Variants in TBX5 observed in about 807,000 individuals in gnomAD.
TBX5 encodes T-box transcription factor 5, also known as T-box transcription factor TBX5.
TBX5 carries 8 observed loss-of-function variants against 51.1 expected under a neutral mutation model. The observed-to-expected ratio is 0.16, with a 90% confidence interval of 0.09 to 0.28. TBX5 has a LOEUF of 0.28. Ranked by LOEUF, TBX5 falls within the 10% of genes least tolerant of loss-of-function variation. TBX5 has a pLI of 1.00. For synonymous variants in TBX5, 302 were observed against 266.4 expected (o/e 1.13, Z -1.30); for missense variants, 589 against 671.7 (o/e 0.88, Z 1.36).
intron 3 of TBX5, among the ~76,000 whole-genome samples, chr12:114,400,334 C>T (rs1266925679): frequency 6.6e-6 from 1 of 152,256 alleles, no homozygotes; most frequent in East Asian, 1.9e-4. Context: ...ATTCCAGACC[C>T]TTCCAGATCT....
At position 114,389,529 on chromosome 12, in the gene TBX5, C is replaced by A. The variant is rs554018674; in HGVS notation, c.664-3962G>T. Among the ~76,000 whole-genome samples, 323 of 150,050 alleles carry A rather than the reference C, an allele frequency of 2.2e-3. 3 individuals are homozygous for A. Among genetic ancestry groups the A allele is most frequent in the Middle Eastern group, 0.014 (4 of 290 alleles). ...CAGCACTTTGGGAGGCAGAGGCGGG[C>A]GGATCACGAGGTCAGGAGATCGAGA... On this transcript the variant is annotated intron_variant, in intron 6 of 8. Coordinates refer to ENST00000405440, the MANE Select transcript of TBX5 (RefSeq NM_181486.4).
At chr12:114,362,353 C>T (rs1869288641) in intron 8 of TBX5, among the ~76,000 whole-genome samples, 1 of 152,206 alleles carries the variant, frequency 6.6e-6, no homozygotes, top group Admixed American at 6.5e-5. Context: ...CTTATACAGG[C>T]TGGCATCTCA....
intron 8 of TBX5, among the ~76,000 whole-genome samples, chr12:114,360,547 G>T (rs1869179024): frequency 6.6e-6 from 1 of 151,358 alleles, no homozygotes; most frequent in South Asian, 2.1e-4. Context: ...TGGGTAGGTG[G>T]ATGGATGGGT....
At chr12:114,389,942 A>G (rs1177854759) in intron 6 of TBX5, among the ~76,000 whole-genome samples, 1 of 151,968 alleles carries the variant, frequency 6.6e-6, no homozygotes, top group Non-Finnish European at 1.5e-5. Flanking sequence ...ATGCTCCACC[A>G]AGAACTCAGA....
At chr12:114,372,445 T>C (rs1306871519) in intron 7 of TBX5, among the ~76,000 whole-genome samples, 1 of 151,690 alleles carries the variant, frequency 6.6e-6, no homozygotes, top group Admixed American at 6.6e-5. Flanking sequence ...GCTGGAACTG[T>C]AGGCATGTGC....
intron 3 of TBX5, 70 bp downstream of exon 3, chr12:114,401,756 G>T (rs747156422): frequency 1.5e-5 from 21 of 1,442,348 alleles, no homozygotes; most frequent in Non-Finnish European, 8.8e-6. Context: ...TCTCTTCCAA[G>T]CCACCTTTTC....
rs1384536755 is a variant in TBX5, at chr12:114,403,116, T to A, written c.147+636A>T. On this transcript the variant is annotated intron_variant, in intron 2 of 8. Coordinates refer to ENST00000405440, the MANE Select transcript of TBX5 (RefSeq NM_181486.4). ...GCAAGGTGAGGCTCCTCCCTCTGCC[T>A]GGGCCCAGGTTGTAGCCTGGCGAAC... 3.9e-5 allele frequency among the ~76,000 whole-genome samples: 6 copies of A among 152,380 alleles called. No homozygotes were observed. In the East Asian group the frequency reaches 1.2e-3, roughly 29 times the overall value.
chr12:114,373,414 C>T (rs1870025486), intron 7 of TBX5, among the ~76,000 whole-genome samples: 1 of 152,182 alleles, frequency 6.6e-6, no homozygotes. Flanking sequence ...TCAAGCTAAA[C>T]TTTGTAAAAC....
At position 114,403,880 on chromosome 12, in the gene TBX5, C is replaced by G. The variant is rs962421632; in HGVS notation, c.19G>C (p.Gly7Arg). 6.2e-7 allele frequency: 1 copy of G among 1,613,136 alleles called. No homozygotes were observed. Among genetic ancestry groups the G allele is most frequent in the Non-Finnish European group, 8.5e-7 (1 of 1,179,914 alleles). ...AGAGGCGTGTGCGCCAGGCCAAAGC[C>G]CTCGTCTGCGTCGGCCATGGTGCGC... MADADE[G>R]FGLAHTPLEP... The change falls in exon 2 of 9, where the codon GGC (glycine) becomes CGC (arginine). Residue 7 changes from glycine to arginine, a missense_variant. Gly to Arg is a moderately radical substitution (Grantham distance 125). Transcript: ENST00000405440.
intron 5 of TBX5, among the ~76,000 whole-genome samples, chr12:114,398,139 T>C (rs1300383877): frequency 1.3e-5 from 2 of 152,108 alleles, no homozygotes; most frequent in African/African-American, 4.8e-5. Flanking sequence ...GGAGAGGGTT[T>C]GGGCCCTAAC....
intron 6 of TBX5, among the ~76,000 whole-genome samples, chr12:114,389,702 C>T (rs1871045359): frequency 7.9e-6 from 1 of 126,286 alleles, no homozygotes; most frequent in Non-Finnish European, 1.6e-5. Flanking sequence ...TGCAGTGAGC[C>T]GAGATCCCGC....
intron 7 of TBX5, among the ~76,000 whole-genome samples, chr12:114,377,839 G>C (rs925491414): frequency 6.6e-6 from 1 of 151,924 alleles, no homozygotes; most frequent in Non-Finnish European, 1.5e-5. Context: ...AAGGTAGAGA[G>C]GGTAAAAATA....
intron 7 of TBX5, among the ~76,000 whole-genome samples, chr12:114,372,198 A>G (rs1869948981): frequency 6.6e-6 from 1 of 152,224 alleles, no homozygotes; most frequent in Non-Finnish European, 1.5e-5. Context: ...CCACTATGCA[A>G]TAGATCCAGG....
Position 114,401,813 on chromosome 12 carries a change from C to T in TBX5, c.242+13G>A. On this transcript the variant is annotated intron_variant, in intron 3 of 8. Transcript: ENST00000405440. Reference sequence around the variant, plus strand: ...TCTCCTCGTCCCTCTCTCTACACAACAAACCATCTCACCTTCCAGCCTTGG... The same window carrying T: ...TCTCCTCGTCCCTCTCTCTACACAATAAACCATCTCACCTTCCAGCCTTGG... The T allele has an allele frequency of 6.2e-7, 1 of 1,613,742 alleles. No individual in the cohort carries two copies. Among genetic ancestry groups the T allele is most frequent in the South Asian group, 1.1e-5 (1 of 91,060 alleles).
intron 7 of TBX5, among the ~76,000 whole-genome samples, chr12:114,382,311 CTCAA>C (rs941984204): frequency 2.0e-5 from 3 of 152,028 alleles, no homozygotes; most frequent in African/African-American, 4.8e-5. Flanking sequence ...GAGGCCCTGT[CTCAA>C]TCAATCAATC....
At chr12:114,393,335 C>A (rs1266725533) in intron 6 of TBX5, among the ~76,000 whole-genome samples, 1 of 152,174 alleles carries the variant, frequency 6.6e-6, no homozygotes, top group South Asian at 2.1e-4. Context: ...CCATATGGAC[C>A]CCCCTCCCAC....
chr12:114,401,527 G>A (rs1193114188), intron 3 of TBX5, among the ~76,000 whole-genome samples: 2 of 151,964 alleles, frequency 1.3e-5, no homozygotes, highest in Non-Finnish European at 2.9e-5. Context: ...CAGATAGCAC[G>A]GCCTCCCAAG....
chr12:114,382,445 C>T (rs2555028), intron 7 of TBX5, among the ~76,000 whole-genome samples: 89,003 of 152,114 alleles, frequency 0.59, 26,681 homozygotes, highest in Admixed American at 0.72. Context: ...AGGTAGATCA[C>T]TTGAGTCCAG....
intron 7 of TBX5, among the ~76,000 whole-genome samples, chr12:114,376,479 A>T (rs1870195470): frequency 6.6e-6 from 1 of 152,126 alleles, no homozygotes; most frequent in Admixed American, 6.6e-5. Context: ...GGTGGTTGCC[A>T]GTAGCTGGGG....
Sources: allele counts gnomAD v4.1 joint callset (sites outside exome capture counted in the v4.1 genomes callset), GRCh38; gene constraint gnomAD v4.1.1; transcripts MANE v1.5; gene names NCBI Gene and HGNC (gene_info 2026-07-23, HGNC 2026-07-21).